Variants in THSD7A observed in about 807,000 individuals in gnomAD.
THSD7A encodes thrombospondin type-1 domain-containing protein 7A.
In THSD7A, 96 loss-of-function variants were observed where a neutral mutation model predicts 231.3. That is an observed-to-expected ratio of 0.41 (90% confidence interval 0.35 to 0.49). The LOEUF (loss-of-function observed/expected upper bound fraction) is 0.49, where lower values mean the gene tolerates loss of function less well. Among genes scored for constraint, THSD7A ranks in the 20% least tolerant of loss-of-function variants. The pLI is 0.05. For synonymous variants in THSD7A, 940 were observed against 743.3 expected, an observed-to-expected ratio of 1.26 and a Z score of -4.30; for missense variants, 2,290 against 2,070.2, an observed-to-expected ratio of 1.11 and a Z score of -2.06.
chr7:11,758,235 G>C (rs1782747399), intron 1 of THSD7A, among the ~76,000 whole-genome samples: 1 of 151,904 alleles, frequency 6.6e-6, no homozygotes, highest in Non-Finnish European at 1.5e-5. Context: ...AAGAAGTGTA[G>C]TTTGAGATAA....
intron 1 of THSD7A, among the ~76,000 whole-genome samples, chr7:11,754,242 A>G (rs1374016654): frequency 6.6e-6 from 1 of 152,066 alleles, no homozygotes; most frequent in Admixed American, 6.6e-5. Flanking sequence ...AATAGAGAAT[A>G]TCAATAAAGA....
In THSD7A at chr7:11,738,643, A is replaced by G. The variant is rs1235841437; in HGVS notation, c.190+93114T>C. On this transcript the variant is annotated intron_variant, in intron 1 of 27. Transcript: ENST00000423059. ...GGCAGAATAATGTCTCCTCCCCGCA[A>G]TCCCTATGATCTGTGATCACAAAGT... 4.6e-5 allele frequency among the ~76,000 whole-genome samples: 7 copies of G among 151,960 alleles called. No homozygotes were observed. The East Asian group carries it at 1.4e-3, about 30-fold the overall frequency.
At chr7:11,640,634 T>C (rs1158664021) in intron 1 of THSD7A, among the ~76,000 whole-genome samples, 1 of 152,178 alleles carries the variant, frequency 6.6e-6, no homozygotes, top group East Asian at 1.9e-4. Flanking sequence ...TTTCAGATGA[T>C]CACGGGTGTC....
At chr7:11,439,370 T>G (rs1272060272) in intron 13 of THSD7A, among the ~76,000 whole-genome samples, 1 of 152,036 alleles carries the variant, frequency 6.6e-6, no homozygotes, top group Non-Finnish European at 1.5e-5. Context: ...CGGTGCCATT[T>G]TTTCCAACAG....
chr7:11,469,739 T>G (rs1785857135), intron 9 of THSD7A, 140 bp downstream of exon 9: 1 of 571,008 alleles, frequency 1.8e-6, no homozygotes, highest in Admixed American at 3.2e-5. Flanking sequence ...AGAGGGAAAC[T>G]AACATTTTAT....
chr7:11,437,916 G>A (rs1050055975), intron 13 of THSD7A, among the ~76,000 whole-genome samples: 6 of 151,930 alleles, frequency 3.9e-5, no homozygotes, highest in Admixed American at 2.6e-4. Context: ...GTTTTATCTT[G>A]AGTTCCATAT....
At position 11,377,826 on chromosome 7, in the gene THSD7A, CTATA is replaced by C. The variant is rs995395001; in HGVS notation, c.4802-1173_4802-1170del. On this transcript the variant is annotated intron_variant, in intron 26 of 27. Coordinates refer to ENST00000423059, the MANE Select transcript of THSD7A (RefSeq NM_015204.3). This position sits in a 1 kb window ranked among gnomAD's most constrained non-coding sequence, Gnocchi z 4.5. ...TTTTAAAATTTTAACTTTGGGGAAA[CTATA>C]TATAAAATTTAAAATAATGACAATA... 2.0e-5 allele frequency: 3 copies of C among 151,650 alleles called. No individual in the cohort carries two copies. The highest frequency in any genetic ancestry group is 4.2e-4 in the South Asian group (2 of 4,812). The allele number at this position is 151,650 out of a possible 1,614,324, so 9.4% of individuals were successfully genotyped here.
intron 6 of THSD7A, among the ~76,000 whole-genome samples, chr7:11,509,659 A>G (rs1019894839): frequency 2.0e-5 from 3 of 150,932 alleles, no homozygotes; most frequent in Non-Finnish European, 4.4e-5. Context: ...TCTCTATTAA[A>G]AATACAAAAA....
At chr7:11,683,916 T>C (rs921358694) in intron 1 of THSD7A, among the ~76,000 whole-genome samples, 6 of 151,270 alleles carry the variant, frequency 4.0e-5, no homozygotes, top group Admixed American at 6.6e-5. Context: ...AAAGACACAA[T>C]AACAACAACA....
At chr7:11,688,260 T>G (rs1584214699) in intron 1 of THSD7A, among the ~76,000 whole-genome samples, 1 of 151,800 alleles carries the variant, frequency 6.6e-6, no homozygotes, top group Non-Finnish European at 1.5e-5. Context: ...GGCTGCATAG[T>G]ATTCCATGGT....
intron 1 of THSD7A, among the ~76,000 whole-genome samples, chr7:11,757,558 C>T (rs1395911751): frequency 6.6e-6 from 1 of 151,986 alleles, no homozygotes; most frequent in African/African-American, 2.4e-5. Flanking sequence ...CTTCTGGATA[C>T]TTACTCATTA....
At chr7:11,622,324 A>T (rs6460830) in intron 2 of THSD7A, among the ~76,000 whole-genome samples, 28,518 of 151,950 alleles carry the variant, frequency 0.19, 5,479 homozygotes, top group African/African-American at 0.49. Flanking sequence ...GTTTTCAATT[A>T]TCTTTACCAT....
chr7:11,703,688 AC>A (rs955569791), intron 1 of THSD7A, among the ~76,000 whole-genome samples: 3 of 151,290 alleles, frequency 2.0e-5, no homozygotes, highest in African/African-American at 7.3e-5. Context: ...GTCTGACTGT[AC>A]TTTGACCTTC....
At chr7:11,746,494 T>C (rs960943821) in intron 1 of THSD7A, among the ~76,000 whole-genome samples, 1 of 151,898 alleles carries the variant, frequency 6.6e-6, no homozygotes. Flanking sequence ...AGACTTTCCT[T>C]GTTTTTCATG....
intron 1 of THSD7A, among the ~76,000 whole-genome samples, chr7:11,777,849 T>C (rs7786837): frequency 0.86 from 130,029 of 152,068 alleles, 56,012 homozygotes; most frequent in African/African-American, 0.96. Flanking sequence ...TGTACCTGCT[T>C]CTACAGAAAG....
In THSD7A at chr7:11,590,464, T is replaced by C. The variant is rs1178536252; in HGVS notation, c.1449A>G (p.Lys483=). ...TGAGAAGAAAGCAAAGGTTACCTTC[T>C]TTGTTCTTGTGGGTACTTAATTGTG... The part of the protein sequence containing the change: ...LLSQLSTHKN[K]EASKPMDLKL... The change falls in exon 4 of 28, where the codon AAA becomes AAG. Residue 483 remains lysine, a synonymous_variant. Coordinates refer to ENST00000423059, the MANE Select transcript of THSD7A (RefSeq NM_015204.3). This position sits in a 1 kb window ranked among gnomAD's most constrained non-coding sequence, Gnocchi z 4.4. 4 of 1,609,834 alleles carry C rather than the reference T, an allele frequency of 2.5e-6. No homozygotes were observed. Among genetic ancestry groups the C allele is most frequent in the Non-Finnish European group, 2.5e-6 (3 of 1,178,312 alleles).
intron 1 of THSD7A, among the ~76,000 whole-genome samples, chr7:11,777,749 G>A (rs1201210694): frequency 4.6e-5 from 7 of 152,042 alleles, no homozygotes; most frequent in Non-Finnish European, 8.8e-5. Context: ...TATTTAACAG[G>A]GATGAAATAA....
rs66964252 is a variant in THSD7A, at chr7:11,706,630, CTT to C, written c.191-69671_191-69670del. Among the ~76,000 whole-genome samples, 162 of 66,384 alleles carry C rather than the reference CTT, an allele frequency of 2.4e-3. 3 individuals are homozygous for C. Among genetic ancestry groups the C allele is most frequent in the East Asian group, 9.6e-3 (22 of 2,284 alleles). The allele number at this position is 66,384 out of a possible 152,430, so 43.6% of individuals were successfully genotyped here. ...ATTGACTAAAAATTTTAACAAGGTGCTTTTTTTTTTTTTTTTTTTTTTTTTAG... is the reference window on the plus strand; with the variant it reads ...ATTGACTAAAAATTTTAACAAGGTGCTTTTTTTTTTTTTTTTTTTTTTTAG... On this transcript the variant is annotated intron_variant, in intron 1 of 27. Transcript: ENST00000423059.
intron 13 of THSD7A, among the ~76,000 whole-genome samples, chr7:11,440,902 CA>C (rs1487497954): frequency 6.6e-6 from 1 of 152,038 alleles, no homozygotes; most frequent in African/African-American, 2.4e-5. Context: ...AGAAGTTCCA[CA>C]GTGGGTAAAA....
Sources: gnomAD v4.1 joint callset for allele counts (sites outside exome capture counted in the v4.1 genomes callset) on GRCh38, gnomAD v4.1.1 for gene constraint, Gnocchi (gnomAD v3.1) non-coding constraint, MANE v1.5 for transcripts, NCBI Gene and HGNC (gene_info 2026-07-23, HGNC 2026-07-21) for gene names.